Variants in KSR2 observed in about 807,000 individuals in gnomAD.
The protein encoded by KSR2 is kinase suppressor of ras 2.
KSR2 carries 25 observed loss-of-function variants against 107.8 expected under a neutral mutation model. The observed-to-expected ratio is 0.23, with a 90% CI of 0.17 to 0.32. The LOEUF is 0.32. Ranked by LOEUF, KSR2 falls within the 10% of genes least tolerant of loss-of-function variation. KSR2 has a pLI of 1.00. For synonymous variants in KSR2, 480 were observed against 507.0 expected (o/e 0.95, Z 0.71); for missense variants, 887 against 1,268.9 (o/e 0.70, Z 4.57).
chr12:117,589,690 G>C (rs986943491), intron 5 of KSR2, among the ~76,000 whole-genome samples: 7 of 152,218 alleles, frequency 4.6e-5, no homozygotes, highest in Admixed American at 2.0e-4. Context: ...CTAGACTAAA[G>C]CTGCTCATGA....
At chr12:117,677,808 A>G (rs181399342) in intron 4 of KSR2, among the ~76,000 whole-genome samples, 2 of 152,320 alleles carry the variant, frequency 1.3e-5, no homozygotes, top group Admixed American at 1.3e-4. Flanking sequence ...CAAGGCCTAG[A>G]AAAATGTCTG....
At chr12:117,586,070 G>A (rs970817199) in intron 5 of KSR2, among the ~76,000 whole-genome samples, 19 of 152,228 alleles carry the variant, frequency 1.2e-4, no homozygotes, top group African/African-American at 4.1e-4. Context: ...GCAGTCAGAG[G>A]GACAAACAGA....
At chr12:117,478,200 G>T (rs1181832347) in intron 16 of KSR2, among the ~76,000 whole-genome samples, 1 of 152,200 alleles carries the variant, frequency 6.6e-6, no homozygotes, top group Non-Finnish European at 1.5e-5. Context: ...GAGGGTTTCT[G>T]AGATGTAGAA....
intron 4 of KSR2, among the ~76,000 whole-genome samples, chr12:117,754,990 G>T (rs1027079108): frequency 6.6e-6 from 1 of 152,154 alleles, no homozygotes; most frequent in African/African-American, 2.4e-5. Flanking sequence ...ACACTAGTTA[G>T]CCACAGAGAT....
At chr12:117,615,911 G>A (rs894825277) in intron 5 of KSR2, among the ~76,000 whole-genome samples, 3 of 152,188 alleles carry the variant, frequency 2.0e-5, no homozygotes, top group Non-Finnish European at 4.4e-5. Flanking sequence ...CCAGCACTTT[G>A]GGAGGCTGAG....
At chr12:117,866,659 A>G (rs186375629) in intron 1 of KSR2, among the ~76,000 whole-genome samples, 21 of 151,906 alleles carry the variant, frequency 1.4e-4, no homozygotes, top group Non-Finnish European at 2.9e-5. Flanking sequence ...GAGAAACCCC[A>G]TCTCTACTAA....
chr12:117,739,562 A>T (rs1240744212), intron 4 of KSR2, among the ~76,000 whole-genome samples: 2 of 152,154 alleles, frequency 1.3e-5, no homozygotes, highest in Non-Finnish European at 1.5e-5. Context: ...CTCGATAATG[A>T]TGTTATTAAC....
intron 4 of KSR2, among the ~76,000 whole-genome samples, chr12:117,727,193 T>C (rs1204042861): frequency 6.7e-6 from 1 of 149,762 alleles, no homozygotes; most frequent in Non-Finnish European, 1.5e-5. Flanking sequence ...CTGGGCAAGA[T>C]GGTAATACCC....
intron 3 of KSR2, among the ~76,000 whole-genome samples, chr12:117,770,054 C>CA (rs57470150): frequency 0.051 from 6,966 of 137,688 alleles, 282 homozygotes; most frequent in African/African-American, 0.11. Context: ...AACTCCATCT[C>CA]AAAAAAAAAA....
intron 1 of KSR2, among the ~76,000 whole-genome samples, chr12:117,956,469 G>C (rs552139524): frequency 2.6e-4 from 40 of 150,982 alleles, no homozygotes; most frequent in African/African-American, 9.0e-4. Flanking sequence ...TTGGGAAGCT[G>C]AGGTAGGAGG....
intron 1 of KSR2, among the ~76,000 whole-genome samples, chr12:117,944,248 C>T (rs573122435): frequency 7.9e-5 from 12 of 152,132 alleles, no homozygotes; most frequent in Middle Eastern, 3.4e-3. Flanking sequence ...TGGTGGTGCA[C>T]GCCTATAATC....
intron 3 of KSR2, among the ~76,000 whole-genome samples, chr12:117,787,088 G>T (rs536830448): frequency 6.6e-6 from 1 of 151,548 alleles, no homozygotes; most frequent in South Asian, 2.1e-4. Context: ...TTCCTTCCTA[G>T]ACCATCTCAT....
chr12:117,620,922 G>A (rs1286097178), intron 5 of KSR2, among the ~76,000 whole-genome samples: 1 of 152,064 alleles, frequency 6.6e-6, no homozygotes, highest in African/African-American at 2.4e-5. Context: ...TAAACATGTA[G>A]TAAGCCCCTT....
chr12:117,863,720 C>T (rs2137257955), intron 1 of KSR2, among the ~76,000 whole-genome samples: 1 of 152,264 alleles, frequency 6.6e-6, no homozygotes, highest in East Asian at 1.9e-4. Context: ...CCAAATCAGT[C>T]TCACGGGGCT....
At chr12:117,844,077 A>G (rs1036892859) in intron 3 of KSR2, among the ~76,000 whole-genome samples, 6 of 152,110 alleles carry the variant, frequency 3.9e-5, no homozygotes, top group Admixed American at 3.9e-4. Flanking sequence ...TCACTAGCAG[A>G]AGGGATACTG....
At chr12:117,663,516 T>C (rs1244862133) in intron 5 of KSR2, among the ~76,000 whole-genome samples, 2 of 152,222 alleles carry the variant, frequency 1.3e-5, no homozygotes, top group African/African-American at 4.8e-5. Context: ...CATACAGCAA[T>C]GGCTCCCAAA....
intron 1 of KSR2, among the ~76,000 whole-genome samples, chr12:117,872,273 T>A (rs1166867358): frequency 1.3e-5 from 2 of 152,164 alleles, no homozygotes; most frequent in African/African-American, 4.8e-5. Flanking sequence ...CAGTTTCCAA[T>A]CATAAGCTTC....
rs1406093766 is a variant in KSR2, at chr12:117,467,081, G to C, written c.*118C>G. The C allele has an allele frequency of 2.0e-6, 1 of 509,220 alleles. No individual in the cohort carries two copies. The highest frequency in any genetic ancestry group is 3.6e-6 in the Non-Finnish European group (1 of 280,778). 31.5% of individuals were successfully genotyped at this position (509,220 alleles called of 1,614,324 possible). ...GCAGTTGTCCAGTGCTCCCAGGTCG[G>C]TCGGGGTTGGTACCCTCTGATGCTG... On this transcript the variant is annotated 3_prime_UTR_variant, in exon 20 of 20. Transcript: ENST00000339824.
rs151168242 is a variant in KSR2, at chr12:117,797,731, C to CT, written c.473-36208dup. ...GGCGCAATCATGGACTCAAACCATCCTGGGCTCAAACCATCCTGGGCTCAA... is the reference window on the plus strand; with the variant it reads ...GGCGCAATCATGGACTCAAACCATCCTTGGGCTCAAACCATCCTGGGCTCAA... On this transcript the variant is annotated intron_variant, in intron 3 of 19. Coordinates refer to ENST00000339824, the MANE Select transcript of KSR2 (RefSeq NM_173598.6). Among the ~76,000 whole-genome samples, 1,130 of 119,990 alleles carry CT rather than the reference C, an allele frequency of 9.4e-3. 15 individuals carry two copies. Among genetic ancestry groups the CT allele is most frequent in the African/African-American group, 0.024 (893 of 37,826 alleles). The allele number at this position is 119,990 out of a possible 152,430, so 78.7% of individuals were successfully genotyped here. A position where few individuals can be genotyped will look rare whatever the true frequency, so the allele number is the denominator to read the frequency against.
Sources: allele counts gnomAD v4.1 joint callset (sites outside exome capture counted in the v4.1 genomes callset), GRCh38; gene constraint gnomAD v4.1.1; transcripts MANE v1.5; gene names NCBI Gene and HGNC (gene_info 2026-07-23, HGNC 2026-07-21).